The following IQSEC3 variants were observed in gnomAD, a reference collection of about 807,000 sequenced individuals.
IQSEC3 encodes the protein IQ motif and Sec7 domain ArfGEF 3.
Under a neutral mutation model 105.4 loss-of-function variants are expected in IQSEC3, and 50 were observed. That is an observed-to-expected ratio of 0.47 (90% confidence interval 0.38 to 0.60). The LOEUF is 0.60. Among genes scored for constraint, IQSEC3 ranks in the 20% least tolerant of loss-of-function variants. The pLI is 0.00. For synonymous variants in IQSEC3, 708 were observed against 746.0 expected (o/e 0.95, Z 0.83); for missense variants, 1,415 against 1,630.0 (o/e 0.87, Z 2.27).
chr12:99,578 C>T (rs1864355369), intron 2 of IQSEC3, among the ~76,000 whole-genome samples: 1 of 152,246 alleles, frequency 6.6e-6, no homozygotes, highest in Admixed American at 6.5e-5. Flanking sequence ...GCGCTCAGCC[C>T]ATGCCCAGTG....
chr12:78,294 C>T (rs563354720), intron 1 of IQSEC3, among the ~76,000 whole-genome samples: 6 of 151,310 alleles, frequency 4.0e-5, no homozygotes, highest in African/African-American at 7.3e-5. Context: ...GCCTTCGGGC[C>T]GGGTGCTGGG....
chr12:99,271 AAAGCACGT>A lies in IQSEC3; in HGVS notation c.623+59_623+66del, dbSNP rs1348644845. The A allele has an allele frequency of 3.3e-6, 5 of 1,509,532 alleles. No individual in the cohort carries two copies. In the East Asian group the frequency reaches 1.2e-4, roughly 35 times the overall value. The allele number at this position is 1,509,532 out of a possible 1,614,324, so 93.5% of individuals were successfully genotyped here. On this transcript the variant is annotated intron_variant, in intron 2 of 13. Transcript: ENST00000538872. The stretch of plus-strand genomic sequence containing the variant: ...TCCCCACCTTCCTTCCTGTTACAAC[AAAGCACGT>A]ACCACTGCACTAGCTATTGGGCCTC...
intron 1 of IQSEC3, among the ~76,000 whole-genome samples, chr12:69,397 A>G (rs1420194076): frequency 6.6e-6 from 1 of 152,274 alleles, no homozygotes; most frequent in African/African-American, 2.4e-5. Context: ...CCACATGTCA[A>G]TTCTGGAGAG....
intron 12 of IQSEC3, among the ~76,000 whole-genome samples, chr12:169,409 G>A (rs1014198647): frequency 5.9e-5 from 9 of 152,212 alleles, no homozygotes; most frequent in African/African-American, 1.9e-4. Flanking sequence ...CCCCTGCAGG[G>A]AGGCCTTCCC....
At chr12:115,295 G>C (rs1865013671) in intron 2 of IQSEC3, among the ~76,000 whole-genome samples, 1 of 152,144 alleles carries the variant, frequency 6.6e-6, no homozygotes, top group South Asian at 2.1e-4. Context: ...AATAGCTCAG[G>C]ACCCAAGAAA....
At chr12:145,072 G>C (rs1249257806) in intron 5 of IQSEC3, among the ~76,000 whole-genome samples, 6 of 152,194 alleles carry the variant, frequency 3.9e-5, no homozygotes, top group African/African-American at 1.4e-4. Context: ...GCCTCACACA[G>C]TGCTCCCACC....
intron 1 of IQSEC3, among the ~76,000 whole-genome samples, chr12:79,651 C>T (rs1283107931): frequency 1.3e-5 from 2 of 152,106 alleles, no homozygotes; most frequent in Non-Finnish European, 1.5e-5. Context: ...AGGCTGGTCT[C>T]GAACTCCTGG....
intron 5 of IQSEC3, among the ~76,000 whole-genome samples, chr12:155,433 G>A (rs765739628): frequency 2.6e-5 from 4 of 152,290 alleles, no homozygotes; most frequent in Admixed American, 6.5e-5. Context: ...GGAGAGAGGC[G>A]AAAAGGAAAG....
chr12:126,713 T>C (rs1865427732), intron 3 of IQSEC3, among the ~76,000 whole-genome samples: 1 of 152,204 alleles, frequency 6.6e-6, no homozygotes, highest in Non-Finnish European at 1.5e-5. Context: ...CCTCTGGGCA[T>C]TCGTTTCCTC....
At chr12:146,282 A>C (rs919466431) in intron 5 of IQSEC3, among the ~76,000 whole-genome samples, 7 of 152,220 alleles carry the variant, frequency 4.6e-5, no homozygotes, top group Non-Finnish European at 1.0e-4. Flanking sequence ...AGGGGAGAGC[A>C]GGCTGGGGCC....
intron 3 of IQSEC3, among the ~76,000 whole-genome samples, chr12:137,248 G>C (rs537492663): frequency 6.6e-6 from 1 of 152,210 alleles, no homozygotes; most frequent in Non-Finnish European, 1.5e-5. Flanking sequence ...CCCTTCTGAT[G>C]TTCCCAGGGA....
At chr12:103,504 T>G (rs1224829891) in intron 2 of IQSEC3, among the ~76,000 whole-genome samples, 25 of 768 alleles carry the variant, frequency 0.033, no homozygotes, top group African/African-American at 0.081. Flanking sequence ...GGGGGGTAGG[T>G]GGGGGCTCAG....
rs1863114433 is a variant in IQSEC3 at position 67,036 on chromosome 12, A to C, written c.154A>C (p.Ser52Arg). The change falls in exon 1 of 14, where the codon AGC becomes CGC. Residue 52 changes from serine (S) to arginine (R), a missense_variant. Physicochemically the swap from Ser to Arg is moderately radical, Grantham distance 110. Coordinates refer to ENST00000538872, the MANE Select transcript of IQSEC3 (RefSeq NM_001170738.2). ...GGACGAGCTGAGCGCTGAGAACCGCAGCCTGTGGGAGCACCAGCAGCTGCT... is the reference window on the plus strand; with the variant it reads ...GGACGAGCTGAGCGCTGAGAACCGCCGCCTGTGGGAGCACCAGCAGCTGCT... ...RLDELSAENR[S>R]LWEHQQLLQA... is the part of the protein sequence containing the mutation. 1 of 1,532,150 alleles carries C rather than the reference A, an allele frequency of 6.5e-7. No individual in the cohort carries two copies. 94.9% of individuals were successfully genotyped at this position (1,532,150 alleles called of 1,614,324 possible). A position where few individuals can be genotyped will look rare whatever the true frequency, so the allele number is the denominator to read the frequency against.
chr12:161,877 A>G (rs1555096329), intron 7 of IQSEC3, 49 bp from the exon 8 acceptor site: 2 of 1,505,480 alleles, frequency 1.3e-6, no homozygotes, highest in Non-Finnish European at 1.8e-6. Flanking sequence ...GGGCTCTGAC[A>G]CCCTCCCTCC....
In IQSEC3 at chr12:138,887, C is replaced by T. The variant is rs782460430; in HGVS notation, c.1524C>T (p.Ala508=). The change falls in exon 4 of 14, where the codon GCC becomes GCT. Residue 508 remains alanine (A), a synonymous_variant. Coordinates refer to ENST00000538872, the MANE Select transcript of IQSEC3 (RefSeq NM_001170738.2). This position sits in a 1 kb window ranked among gnomAD's most constrained non-coding sequence, Gnocchi z 7.1. ...CCTCCTCCACGGCTCTGTCGGTGGC[C>T]AACTGCCTGGGCGCTCAGACGGTCC... ...SVSSSTALSV[A]NCLGAQTVQA... The T allele has an allele frequency of 6.2e-7, 1 of 1,610,922 alleles. No homozygotes were observed. Among genetic ancestry groups the T allele is most frequent in the South Asian group, 1.1e-5 (1 of 90,448 alleles).
chr12:161,893 C>G (rs200775487), intron 7 of IQSEC3, 33 bp from the exon 8 acceptor site: 1 of 1,532,728 alleles, frequency 6.5e-7, no homozygotes, highest in East Asian at 2.4e-5. Flanking sequence ...CCTCCCAACC[C>G]CACCACCACC....
In IQSEC3 at chr12:138,686, G is replaced by A. The variant is rs782818988; in HGVS notation, c.1323G>A (p.Gln441=). 3 of 1,537,898 alleles carry A rather than the reference G, an allele frequency of 2.0e-6. No individual in the cohort carries two copies. The highest frequency in any genetic ancestry group is 1.7e-6 in the Non-Finnish European group (2 of 1,147,364). The change falls in exon 4 of 14, where the codon CAG becomes CAA. Residue 441 remains glutamine (Q), a synonymous_variant. Transcript: ENST00000538872. This position sits in a 1 kb window ranked among gnomAD's most constrained non-coding sequence, Gnocchi z 7.1. ...SGAYQLHQAL[Q]AAAGPPGLEA... is the part of the protein sequence containing the mutation. ...CTTACCAGCTCCACCAGGCCCTGCA[G>A]GCGGCCGCGGGGCCCCCAGGCCTGG...
At position 146,496 on chromosome 12, in the gene IQSEC3, A is replaced by G. The variant is rs137960925; in HGVS notation, c.2153+5211A>G. On this transcript the variant is annotated intron_variant, in intron 5 of 13. Coordinates refer to ENST00000538872, the MANE Select transcript of IQSEC3 (RefSeq NM_001170738.2). ...CATCTCTACAAAAAAATTTTTTTTA[A>G]GTAGCCAGGTGTGGTGGCGGGCACC... 6.4e-3 allele frequency among the ~76,000 whole-genome samples: 975 copies of G among 152,236 alleles called. 5 individuals are homozygous for G. The highest frequency in any genetic ancestry group is 0.019 in the African/African-American group (798 of 41,532).
chr12:92,073 C>T (rs782133259), intron 1 of IQSEC3, among the ~76,000 whole-genome samples: 8 of 152,292 alleles, frequency 5.3e-5, no homozygotes, highest in Non-Finnish European at 1.2e-4. Context: ...CAGACTACCT[C>T]ATGTTTAGGT....
Sources: gnomAD v4.1 joint callset for allele counts (sites outside exome capture counted in the v4.1 genomes callset) on GRCh38, gnomAD v4.1.1 for gene constraint, Gnocchi (gnomAD v3.1) non-coding constraint, MANE v1.5 for transcripts, NCBI Gene and HGNC (gene_info 2026-07-23, HGNC 2026-07-21) for gene names.